Variants in WDR27 observed in about 807,000 individuals in gnomAD.
The protein encoded by WDR27 is WD repeat-containing protein 27.
A neutral mutation model predicts 114.4 loss-of-function variants in WDR27; 100 were observed. The observed-to-expected ratio is 0.87, with a 90% CI of 0.74 to 1.03. WDR27 has a LOEUF of 1.03. Among genes scored for constraint, WDR27 ranks in the 50% least tolerant of loss-of-function variants. The pLI is 0.00. For missense variants in WDR27, 1,129 were observed against 1,092.9 expected (o/e 1.03, Z -0.47); for synonymous variants, 449 against 423.1 (o/e 1.06, Z -0.75).
At chr6:169,504,607 T>C (rs776301937) in intron 25 of WDR27, among the ~76,000 whole-genome samples, 3 of 152,202 alleles carry the variant, frequency 2.0e-5, no homozygotes, top group Non-Finnish European at 4.4e-5. Context: ...TATACTCACT[T>C]TAAAAAAAGA....
intron 25 of WDR27, among the ~76,000 whole-genome samples, chr6:169,535,690 C>T (rs1796123045): frequency 2.0e-5 from 3 of 152,130 alleles, no homozygotes. Context: ...CTGTCCAAGA[C>T]CACCCCAGCT....
intron 25 of WDR27, among the ~76,000 whole-genome samples, chr6:169,477,860 G>A (rs916629616): frequency 6.6e-6 from 1 of 152,122 alleles, no homozygotes; most frequent in African/African-American, 2.4e-5. Flanking sequence ...GTTTCTAGCA[G>A]CTTCATTCAT....
intron 23 of WDR27, among the ~76,000 whole-genome samples, chr6:169,596,150 A>G (rs1806746615): frequency 6.6e-6 from 1 of 152,122 alleles, no homozygotes; most frequent in South Asian, 2.1e-4. Context: ...AGATTTAACT[A>G]AATTTTTTTA....
chr6:169,582,696 G>T, intron 24 of WDR27, 140 bp downstream of exon 24: 1 of 547,564 alleles, frequency 1.8e-6, no homozygotes, highest in Non-Finnish European at 3.2e-6. Flanking sequence ...TATTTCCTAA[G>T]TTCTCCTTGC....
intron 25 of WDR27, among the ~76,000 whole-genome samples, chr6:169,505,546 C>G (rs1323509002): frequency 1.8e-5 from 1 of 55,192 alleles, no homozygotes; most frequent in Non-Finnish European, 9.9e-5. Flanking sequence ...GAATGGAGAA[C>G]CAAGCCCAAG....
intron 25 of WDR27, among the ~76,000 whole-genome samples, chr6:169,497,676 G>A (rs1271176991): frequency 6.6e-6 from 1 of 152,020 alleles, no homozygotes; most frequent in South Asian, 2.1e-4. Context: ...AATCATTTGG[G>A]AAACGCAAAA....
chr6:169,662,279 C>T, intron 9 of WDR27, 25 bp downstream of exon 9: 1 of 1,609,282 alleles, frequency 6.2e-7, no homozygotes. Context: ...CTTTATGTGG[C>T]ATAGGCAAAG....
intron 21 of WDR27, among the ~76,000 whole-genome samples, chr6:169,622,750 G>A (rs181314138): frequency 4.6e-5 from 7 of 152,308 alleles, no homozygotes; most frequent in Admixed American, 2.6e-4. Context: ...CGGGAGAAGC[G>A]TCCCGGTGAA....
chr6:169,637,038 C>G (rs1584779590), intron 18 of WDR27, among the ~76,000 whole-genome samples: 1 of 152,192 alleles, frequency 6.6e-6, no homozygotes, highest in Non-Finnish European at 1.5e-5. Context: ...AAAATAAATC[C>G]CAACATCTTT....
At chr6:169,471,234 A>G (rs1018359093) in intron 25 of WDR27, among the ~76,000 whole-genome samples, 1 of 152,014 alleles carries the variant, frequency 6.6e-6, no homozygotes, top group Non-Finnish European at 1.5e-5. Context: ...GTCTAAGAAT[A>G]CAGAGCTAGA....
intron 25 of WDR27, among the ~76,000 whole-genome samples, chr6:169,545,642 C>A (rs1004129289): frequency 5.3e-5 from 8 of 152,092 alleles, no homozygotes; most frequent in East Asian, 1.9e-4. Context: ...TGTGCCACTG[C>A]GCTCCAGCCT....
intron 25 of WDR27, among the ~76,000 whole-genome samples, chr6:169,568,610 C>G (rs1310889311): frequency 6.6e-6 from 1 of 152,200 alleles, no homozygotes. Context: ...AAAATGCTCA[C>G]TTTCTCTTTT....
chr6:169,574,776 G>A (rs1801980142), intron 24 of WDR27, among the ~76,000 whole-genome samples: 1 of 152,202 alleles, frequency 6.6e-6, no homozygotes, highest in East Asian at 1.9e-4. Flanking sequence ...AGCCACTGTG[G>A]AGGGGCCAGG....
intron 17 of WDR27, among the ~76,000 whole-genome samples, chr6:169,643,271 G>A (rs2128230319): frequency 6.6e-6 from 1 of 152,126 alleles, no homozygotes; most frequent in South Asian, 2.1e-4. Flanking sequence ...TTTTAACACT[G>A]TTGCTCTCAG....
At chr6:169,533,121 G>A (rs537430380) in intron 25 of WDR27, among the ~76,000 whole-genome samples, 1 of 152,126 alleles carries the variant, frequency 6.6e-6, no homozygotes, top group Non-Finnish European at 1.5e-5. Flanking sequence ...CAGGCTCCCA[G>A]GGAAGAACAC....
At position 169,605,108 on chromosome 6, in the gene WDR27, C is replaced by CAAAAA. The variant is rs59884264; in HGVS notation, c.2322-2792_2322-2788dup. 1.0e-3 allele frequency among the ~76,000 whole-genome samples: 79 copies of CAAAAA among 76,198 alleles called. 4 individuals are homozygous for CAAAAA. The highest frequency in any genetic ancestry group is 4.3e-3 in the African/African-American group (73 of 16,966). The allele number at this position is 76,198 out of a possible 152,430, so 50.0% of individuals were successfully genotyped here. A position where few individuals can be genotyped will look rare whatever the true frequency, so the allele number is the denominator to read the frequency against. ...AGAAGTCCTAGCCAGAGCAATTAGG[C>CAAAAA]AAAAAAAAAAAAAAAAGTTTTTTTT... is the stretch of plus-strand genomic sequence containing the variant. On this transcript the variant is annotated intron_variant, in intron 22 of 25. Coordinates refer to ENST00000448612, the MANE Select transcript of WDR27 (RefSeq NM_182552.5).
chr6:169,568,982 C>T (rs1174564361), intron 25 of WDR27, among the ~76,000 whole-genome samples: 1 of 152,108 alleles, frequency 6.6e-6, no homozygotes, highest in African/African-American at 2.4e-5. Context: ...GGTTTGCTGT[C>T]CCTGCTCGCT....
intron 25 of WDR27, among the ~76,000 whole-genome samples, chr6:169,545,877 C>T (rs537478418): frequency 6.6e-6 from 1 of 151,764 alleles, no homozygotes; most frequent in African/African-American, 2.4e-5. Context: ...ATACATATAA[C>T]GTGACTCTCA....
At chr6:169,683,795 C>A (rs1782180001) in intron 2 of WDR27, among the ~76,000 whole-genome samples, 1 of 152,198 alleles carries the variant, frequency 6.6e-6, no homozygotes, top group African/African-American at 2.4e-5. Flanking sequence ...CACCTGAAGT[C>A]TTTACAACAG....
Sources: gnomAD v4.1 joint callset for allele counts (sites outside exome capture counted in the v4.1 genomes callset) on GRCh38, gnomAD v4.1.1 for gene constraint, MANE v1.5 for transcripts, NCBI Gene and HGNC (gene_info 2026-07-23, HGNC 2026-07-21) for gene names.